FRMD4A: variants seen among roughly 807,000 people sequenced by gnomAD.
FRMD4A encodes FERM domain-containing protein 4A.
In FRMD4A, 29 loss-of-function variants were observed where a neutral mutation model predicts 129.1. The ratio of observed to expected loss-of-function variants is 0.22; its 90% CI spans 0.17 to 0.31. FRMD4A has a LOEUF of 0.31. Among genes scored for constraint, FRMD4A ranks in the 10% least tolerant of loss-of-function variants. The probability of loss-of-function intolerance (pLI) is 1.00; values close to 1 mark genes in which losing one functional copy is unlikely to be tolerated. For synonymous variants in FRMD4A, 634 were observed against 571.6 expected (o/e 1.11, Z -1.56); for missense variants, 1,272 against 1,375.8 (o/e 0.92, Z 1.19).
intron 2 of FRMD4A, among the ~76,000 whole-genome samples, chr10:14,275,622 C>T (rs539201223): frequency 6.6e-6 from 1 of 152,262 alleles, no homozygotes; most frequent in Non-Finnish European, 1.5e-5. Flanking sequence ...AAGTTTTTTT[C>T]CTTTTCTTAT....
At chr10:14,012,812 T>C (rs1451543133) in intron 2 of FRMD4A, among the ~76,000 whole-genome samples, 1 of 152,120 alleles carries the variant, frequency 6.6e-6, no homozygotes, top group Non-Finnish European at 1.5e-5. Flanking sequence ...TTACCACTAG[T>C]GAGGCTGGCC....
chr10:14,016,391 T>C (rs2095699224), intron 2 of FRMD4A, among the ~76,000 whole-genome samples: 1 of 152,240 alleles, frequency 6.6e-6, no homozygotes, highest in Admixed American at 6.5e-5. Context: ...CGTGTGCACC[T>C]TCCCTTTTCT....
At position 13,763,484 on chromosome 10, in the gene FRMD4A, G is replaced by A. The variant is rs966025287; in HGVS notation, c.385-804C>T. On this transcript the variant is annotated intron_variant, in intron 6 of 24. Coordinates refer to ENST00000357447, the MANE Select transcript of FRMD4A (RefSeq NM_018027.5). ...CAGTGTCGCTAGTGACTACCGTATC[G>A]TCAGCTCAGATACAGAACGTTTCTA... is the stretch of plus-strand genomic sequence containing the variant. 1.4e-4 allele frequency among the ~76,000 whole-genome samples: 21 copies of A among 152,132 alleles called. No individual in the cohort carries two copies. In the East Asian group the frequency reaches 3.5e-3, roughly 25 times the overall value.
rs1356594774 is a variant in FRMD4A, at chr10:14,088,795, A to AAAG, written c.46-229884_46-229883insCTT. Reference sequence around the variant, plus strand: ...AGCAAGACTCTGTCTCAAAAAAAAAAAAAAAAAAAAGTAAAATAATCACTT... The same window carrying AAAG: ...AGCAAGACTCTGTCTCAAAAAAAAAAAAGAAAAAAAAAAGTAAAATAATCACTT... On this transcript the variant is annotated intron_variant, in intron 2 of 24. Transcript: ENST00000357447. Among the ~76,000 whole-genome samples the AAAG allele has an allele frequency of 1.3e-5, 2 of 151,370 alleles. 1 individual carries two copies. Among genetic ancestry groups the AAAG allele is most frequent in the Non-Finnish European group, 2.9e-5 (2 of 67,856 alleles).
intron 2 of FRMD4A, among the ~76,000 whole-genome samples, chr10:14,217,746 C>G (rs1564394187): frequency 6.6e-6 from 1 of 152,122 alleles, no homozygotes; most frequent in Non-Finnish European, 1.5e-5. Context: ...TAGAGAAGGC[C>G]ACCTTTTGAA....
chr10:13,693,896 AC>A lies in FRMD4A; in HGVS notation c.1117+1del. 6.2e-7 allele frequency: 1 copy of A among 1,608,556 alleles called. No homozygotes were observed. Among genetic ancestry groups the A allele is most frequent in the Non-Finnish European group, 8.5e-7 (1 of 1,178,224 alleles). On this transcript the variant is annotated splice_donor_variant, in intron 15 of 24. Transcript: ENST00000357447. LOFTEE classifies it high-confidence loss of function. ...GCGTCCCTCCAGCTGGCCTCTGCCT[AC>A]CTGAAGACAGCAGGCTGCCGCTGCT...
intron 2 of FRMD4A, among the ~76,000 whole-genome samples, chr10:14,268,880 A>C (rs1845068841): frequency 6.6e-6 from 1 of 152,324 alleles, no homozygotes; most frequent in Admixed American, 6.5e-5. Flanking sequence ...AAACACTCCA[A>C]ATCAAATGGA....
chr10:13,730,126 C>T (rs981440768), intron 12 of FRMD4A, among the ~76,000 whole-genome samples: 1 of 152,152 alleles, frequency 6.6e-6, no homozygotes, highest in African/African-American at 2.4e-5. Context: ...CCCAATGCCT[C>T]AGTTACTGAC....
intron 24 of FRMD4A, among the ~76,000 whole-genome samples, chr10:13,650,176 G>A (rs1443545629): frequency 6.6e-6 from 1 of 152,190 alleles, no homozygotes; most frequent in Non-Finnish European, 1.5e-5. Flanking sequence ...GGCATAGGGA[G>A]GTGGGGCTGC....
At chr10:14,131,685 G>A (rs1839269083) in intron 2 of FRMD4A, among the ~76,000 whole-genome samples, 1 of 152,082 alleles carries the variant, frequency 6.6e-6, no homozygotes, top group Non-Finnish European at 1.5e-5. Flanking sequence ...TTAAAATCTT[G>A]ACTCAGGAAA....
intron 2 of FRMD4A, among the ~76,000 whole-genome samples, chr10:13,986,344 G>T (rs966561754): frequency 7.3e-5 from 11 of 151,488 alleles, no homozygotes; most frequent in Non-Finnish European, 1.6e-4. Context: ...CATGTCCTTT[G>T]TAGGGACATG....
chr10:14,321,248 G>A (rs1928542), intron 2 of FRMD4A, among the ~76,000 whole-genome samples: 70,280 of 151,172 alleles, frequency 0.46, 17,259 homozygotes, highest in Non-Finnish European at 0.56. Flanking sequence ...CTATACTTAT[G>A]AGGCACTCAC....
chr10:13,731,574 G>C (rs1280660038), intron 12 of FRMD4A, among the ~76,000 whole-genome samples: 1 of 151,360 alleles, frequency 6.6e-6, no homozygotes, highest in Admixed American at 6.6e-5. Flanking sequence ...GCTTGAACCG[G>C]GGAGGTGGAG....
intron 2 of FRMD4A, among the ~76,000 whole-genome samples, chr10:13,979,388 T>G (rs1358564201): frequency 6.6e-6 from 1 of 152,106 alleles, no homozygotes; most frequent in Non-Finnish European, 1.5e-5. Flanking sequence ...AAGCTGACTT[T>G]ATGCTCATAG....
chr10:13,672,057 CAT>C (rs1169674498), intron 16 of FRMD4A, among the ~76,000 whole-genome samples: 3 of 152,228 alleles, frequency 2.0e-5, no homozygotes, highest in African/African-American at 7.2e-5. Context: ...GCTGTGTGCA[CAT>C]GTGTACGCAT....
intron 2 of FRMD4A, among the ~76,000 whole-genome samples, chr10:14,013,335 T>G (rs2095688261): frequency 6.6e-6 from 1 of 151,754 alleles, no homozygotes; most frequent in South Asian, 2.1e-4. Flanking sequence ...ATTCCCACCC[T>G]CTCCCACACG....
At chr10:14,256,185 C>T (rs369174257) in intron 2 of FRMD4A, among the ~76,000 whole-genome samples, 38 of 151,872 alleles carry the variant, frequency 2.5e-4, no homozygotes, top group African/African-American at 7.2e-4. Context: ...TTATAATAGA[C>T]GGCAATAATT....
chr10:14,226,160 G>C (rs1843428966), intron 2 of FRMD4A, among the ~76,000 whole-genome samples: 1 of 152,010 alleles, frequency 6.6e-6, no homozygotes, highest in Non-Finnish European at 1.5e-5. Context: ...ACATATGCAG[G>C]TTTATTATGT....
intron 15 of FRMD4A, among the ~76,000 whole-genome samples, chr10:13,680,735 A>T (rs555789530): frequency 9.6e-4 from 146 of 151,840 alleles, no homozygotes; most frequent in African/African-American, 3.3e-3. Flanking sequence ...AAAAAAAAAA[A>T]TTTAAAAAAA....
Sources: gnomAD v4.1 joint callset for allele counts (sites outside exome capture counted in the v4.1 genomes callset) on GRCh38, gnomAD v4.1.1 for gene constraint, MANE v1.5 for transcripts, NCBI Gene and HGNC (gene_info 2026-07-23, HGNC 2026-07-21) for gene names.